Variants in UTP20 observed in about 807,000 individuals in gnomAD.
The protein encoded by UTP20 is small subunit processome component 20 homolog.
Under a neutral mutation model 329.5 loss-of-function variants are expected in UTP20, and 164 were observed. The observed-to-expected ratio is 0.50, with a 90% CI of 0.44 to 0.57. The LOEUF (loss-of-function observed/expected upper bound fraction) is 0.57. Ranked by LOEUF, UTP20 falls within the 20% of genes least tolerant of loss-of-function variation. The pLI, the probability that UTP20 is intolerant of heterozygous loss-of-function variation, is 0.00. For missense variants in UTP20, 3,055 were observed against 3,284.2 expected (o/e 0.93, Z 1.71); for synonymous variants, 1,151 against 1,159.3 (o/e 0.99, Z 0.14).
chr12:101,314,425 G>A (rs539600210), intron 21 of UTP20, among the ~76,000 whole-genome samples: 49 of 151,918 alleles, frequency 3.2e-4, no homozygotes, highest in Middle Eastern at 3.4e-3. Flanking sequence ...TTGGGAGGCC[G>A]AGGCTGGTGG....
At position 101,295,506 on chromosome 12, in the gene UTP20, T is replaced by C. The variant is rs1872318439; in HGVS notation, c.1278T>C (p.Tyr426=). Residue 426 remains tyrosine (Y), a synonymous_variant, in exon 12 of 62, where the codon TAT becomes TAC. Transcript: ENST00000261637. Reference sequence around the variant, plus strand: ...TTTTTCTACCAAGCTTTCTGTCATATATTGTGAATTGCTTCTTAATTGATG... The same window carrying C: ...TTTTTCTACCAAGCTTTCTGTCATACATTGTGAATTGCTTCTTAATTGATG... ...EQLFLPSFLS[Y]IVNCFLIDDA... is the part of the protein sequence containing the mutation. 1.9e-6 allele frequency: 3 copies of C among 1,608,058 alleles called. No homozygotes were observed. In the East Asian group the frequency reaches 6.7e-5, roughly 36 times the overall value.
intron 29 of UTP20, among the ~76,000 whole-genome samples, chr12:101,335,030 A>G (rs369720807): frequency 1.3e-5 from 2 of 152,244 alleles, no homozygotes; most frequent in East Asian, 1.9e-4. Flanking sequence ...GTGATCCAGG[A>G]AAGTTTGTGT....
intron 38 of UTP20, among the ~76,000 whole-genome samples, chr12:101,347,353 T>C (rs192767882): frequency 4.2e-4 from 64 of 152,182 alleles, no homozygotes; most frequent in African/African-American, 1.5e-3. Flanking sequence ...CAAAAACCCA[T>C]GTGCACCAAA....
chr12:101,349,199 G>A lies in UTP20; in HGVS notation c.4884+2611G>A, dbSNP rs180878389. Among the ~76,000 whole-genome samples the A allele has an allele frequency of 4.0e-5, 6 of 151,628 alleles. No homozygotes were observed. In the East Asian group the frequency reaches 1.2e-3, roughly 29 times the overall value. ...TGTTTTTTTGTTTTTTGTTGTTATTGTATGGCCTGGCCCTTGTAGACAGTT... is the reference window on the plus strand; with the variant it reads ...TGTTTTTTTGTTTTTTGTTGTTATTATATGGCCTGGCCCTTGTAGACAGTT... On this transcript the variant is annotated intron_variant, in intron 38 of 61. Transcript: ENST00000261637.
intron 6 of UTP20, 70 bp from the exon 7 acceptor site, chr12:101,290,067 A>G (rs2137233039): frequency 8.3e-7 from 1 of 1,212,094 alleles, no homozygotes; most frequent in East Asian, 2.5e-5. Flanking sequence ...TAGAATAGCA[A>G]ATGAGAGTTC....
chr12:101,322,405 A>C (rs966078001), intron 25 of UTP20, among the ~76,000 whole-genome samples: 5 of 152,206 alleles, frequency 3.3e-5, no homozygotes, highest in African/African-American at 1.2e-4. Flanking sequence ...CTGTTTTCCA[A>C]ATATCATGTG....
chr12:101,345,077 C>G (rs964375221), intron 36 of UTP20, among the ~76,000 whole-genome samples: 1 of 151,024 alleles, frequency 6.6e-6, no homozygotes, highest in Non-Finnish European at 1.5e-5. Flanking sequence ...TCCAGAGTAG[C>G]CGGGATTACA....
At chr12:101,345,769 A>C in intron 37 of UTP20, 75 bp downstream of exon 37, 1 of 1,369,336 alleles carries the variant, frequency 7.3e-7, no homozygotes, top group Non-Finnish European at 9.7e-7. Context: ...TCATTTGGAA[A>C]GACATGTTTT....
At chr12:101,302,311 A>G (rs960677094) in intron 14 of UTP20, 137 bp from the exon 15 acceptor site, 6 of 611,522 alleles carry the variant, frequency 9.8e-6, no homozygotes, top group African/African-American at 1.9e-5. Flanking sequence ...TGGATGTTTG[A>G]CAGACAATTC....
chr12:101,319,189 C>T (rs1873070536), intron 22 of UTP20, among the ~76,000 whole-genome samples: 1 of 152,182 alleles, frequency 6.6e-6, no homozygotes, highest in Admixed American at 6.5e-5. Flanking sequence ...TACTACTTTC[C>T]TGTCTGCCAC....
chr12:101,349,196 A>T (rs1869435643), intron 38 of UTP20, among the ~76,000 whole-genome samples: 1 of 150,704 alleles, frequency 6.6e-6, no homozygotes. Context: ...TTTTGTTGTT[A>T]TTGTATGGCC....
At position 101,306,710 on chromosome 12, in the gene UTP20, G is replaced by A. The variant is rs139853199; in HGVS notation, c.1944G>A (p.Leu648=). 522 of 1,602,370 alleles carry A rather than the reference G, an allele frequency of 3.3e-4. No homozygotes were observed. The highest frequency in any genetic ancestry group is 4.7e-4 in the Admixed American group (28 of 59,248). ...TTTACTTTCTCCAGATTCGGCTTTT[G>A]ACAATAAGGATCCTAAACCATTTTG... The part of the protein sequence containing the change: ...ISTGVSKIRL[L]TIRILNHFDV... Residue 648 remains leucine (L), a synonymous_variant, in exon 17 of 62, where the codon TTG becomes TTA. Coordinates refer to ENST00000261637, the MANE Select transcript of UTP20 (RefSeq NM_014503.3).
At chr12:101,359,159 G>T (rs960806146) in intron 43 of UTP20, among the ~76,000 whole-genome samples, 2 of 152,090 alleles carry the variant, frequency 1.3e-5, no homozygotes, top group African/African-American at 4.8e-5. Flanking sequence ...CACTTCTCGG[G>T]TTCAAGCAGT....
Position 101,345,585 on chromosome 12 carries a change from C to A in UTP20, c.4637C>A (p.Ser1546Tyr). 6.2e-7 allele frequency: 1 copy of A among 1,603,886 alleles called. No homozygotes were observed. Among genetic ancestry groups the A allele is most frequent in the Non-Finnish European group, 8.5e-7 (1 of 1,171,498 alleles). ...SIQQDYTTIL[S>Y]CLIQTFPNQL... Reference sequence around the variant, plus strand: ...CAGCAGGATTATACCACAATACTTTCCTGTTTAATTCAAACCTTTCCAAAC... The same window carrying A: ...CAGCAGGATTATACCACAATACTTTACTGTTTAATTCAAACCTTTCCAAAC... Residue 1546 changes from serine (S) to tyrosine (Y), a missense_variant, in exon 37 of 62, where the codon TCC becomes TAC. Ser to Tyr is a moderately radical substitution (Grantham distance 144, BLOSUM62 -2). Coordinates refer to ENST00000261637, the MANE Select transcript of UTP20 (RefSeq NM_014503.3).
Position 101,291,950 on chromosome 12 carries a change from A to G in UTP20, c.1039-20A>G, listed in dbSNP as rs576630253. The G allele has an allele frequency of 4.3e-6, 7 of 1,610,230 alleles. No homozygotes were observed. In the South Asian group the frequency reaches 7.8e-5, roughly 18 times the overall value. On this transcript the variant is annotated intron_variant, in intron 9 of 61. Transcript: ENST00000261637. ...TTTAAAAGCTGATTGCTGAGTATGC[A>G]TTGTTTTTTCTTTTTGCAGGTGTTA... is the stretch of plus-strand genomic sequence containing the variant.
chr12:101,318,604 G>A (rs1310086897), intron 22 of UTP20, among the ~76,000 whole-genome samples: 1 of 152,152 alleles, frequency 6.6e-6, no homozygotes, highest in African/African-American at 2.4e-5. Context: ...GCCGAGGTGG[G>A]TGGATCACTT....
At chr12:101,382,406 C>A (rs977122047) in intron 58 of UTP20, among the ~76,000 whole-genome samples, 1 of 150,744 alleles carries the variant, frequency 6.6e-6, no homozygotes. Context: ...TCAAAAAATA[C>A]CCAAAAAACA....
At chr12:101,359,960 C>T (rs896439995) in intron 43 of UTP20, among the ~76,000 whole-genome samples, 25 of 152,176 alleles carry the variant, frequency 1.6e-4, no homozygotes, top group African/African-American at 5.6e-4. Context: ...CACAGCATTG[C>T]GAGACATGGT....
chr12:101,382,121 T>C (rs560483561), intron 58 of UTP20, among the ~76,000 whole-genome samples: 107 of 150,012 alleles, frequency 7.1e-4, no homozygotes, highest in Middle Eastern at 3.6e-3. Context: ...AAATGTAAAA[T>C]GGGGCTGGTG....
Sources: gnomAD v4.1 joint callset for allele counts (sites outside exome capture counted in the v4.1 genomes callset) on GRCh38, gnomAD v4.1.1 for gene constraint, MANE v1.5 for transcripts, NCBI Gene and HGNC (gene_info 2026-07-23, HGNC 2026-07-21) for gene names.